The following PTPRT variants were observed in gnomAD, a reference collection of about 807,000 sequenced individuals.
PTPRT encodes protein tyrosine phosphatase receptor type T, also known as receptor-type tyrosine-protein phosphatase T.
A neutral mutation model predicts 176.8 loss-of-function variants in PTPRT; 56 were observed. That is an observed-to-expected ratio of 0.32 (90% CI 0.26 to 0.40). PTPRT has a LOEUF of 0.40. Ranked by LOEUF, PTPRT falls within the 10% of genes least tolerant of loss-of-function variation. The probability of loss-of-function intolerance (pLI) is 1.00; values close to 1 mark genes in which losing one functional copy is unlikely to be tolerated. For synonymous variants in PTPRT, 783 were observed against 739.0 expected (o/e 1.06, Z -0.96); for missense variants, 1,540 against 1,908.2 (o/e 0.81, Z 3.60).
chr20:43,035,393 G>A (rs1466653621), intron 1 of PTPRT, among the ~76,000 whole-genome samples: 1 of 152,178 alleles, frequency 6.6e-6, no homozygotes. Flanking sequence ...TTCAGAATTT[G>A]TGGGCCATAC....
At chr20:42,148,129 C>T (rs1170767980) in intron 17 of PTPRT, among the ~76,000 whole-genome samples, 1 of 152,096 alleles carries the variant, frequency 6.6e-6, no homozygotes, top group East Asian at 1.9e-4. Flanking sequence ...TCATTATATT[C>T]ATCCATTATC....
chr20:42,519,704 C>T (rs6130153), intron 7 of PTPRT, among the ~76,000 whole-genome samples: 20,376 of 152,014 alleles, frequency 0.13, 1,448 homozygotes, highest in Non-Finnish European at 0.16. Context: ...CAATTTTATG[C>T]ATCCATGTGT....
At chr20:42,741,405 C>T (rs1014783117) in intron 6 of PTPRT, among the ~76,000 whole-genome samples, 5 of 152,158 alleles carry the variant, frequency 3.3e-5, no homozygotes, top group African/African-American at 2.4e-5. Flanking sequence ...AGTGCAGTGG[C>T]GCGATCTTGG....
intron 5 of PTPRT, among the ~76,000 whole-genome samples, chr20:42,761,203 G>T (rs1323426715): frequency 6.6e-6 from 1 of 151,662 alleles, no homozygotes; most frequent in Non-Finnish European, 1.5e-5. Flanking sequence ...GGGAGGCCCA[G>T]GCAGGTGGAC....
At chr20:42,103,498 C>T (rs977484526) in intron 25 of PTPRT, among the ~76,000 whole-genome samples, 2 of 152,172 alleles carry the variant, frequency 1.3e-5, no homozygotes, top group Admixed American at 1.3e-4. Context: ...TGGAGTCTCA[C>T]TCTGTTGCCC....
rs913399801 is a variant in PTPRT at position 42,678,221 on chromosome 20, G to A, written c.860-62C>T. Reference sequence around the variant, plus strand: ...AAATGATTTACAGAGCAGACTACAAGCACATGACGACAAGGGACAGAATTC... The same window carrying A: ...AAATGATTTACAGAGCAGACTACAAACACATGACGACAAGGGACAGAATTC... On this transcript the variant is annotated intron_variant, in intron 6 of 30. Transcript: ENST00000373187. The A allele has an allele frequency of 6.7e-6, 10 of 1,488,498 alleles. No homozygotes were observed. In the Admixed American group the frequency reaches 1.3e-4, roughly 20 times the overall value. 92.2% of individuals were successfully genotyped at this position (1,488,498 alleles called of 1,614,324 possible).
At chr20:42,621,028 C>T (rs970554833) in intron 7 of PTPRT, among the ~76,000 whole-genome samples, 10 of 152,078 alleles carry the variant, frequency 6.6e-5, no homozygotes, top group African/African-American at 2.4e-4. Flanking sequence ...AGGAGAACAG[C>T]ATGGGAAAGA....
intron 2 of PTPRT, among the ~76,000 whole-genome samples, chr20:42,810,856 C>G (rs1271836548): frequency 6.6e-6 from 1 of 152,196 alleles, no homozygotes; most frequent in Non-Finnish European, 1.5e-5. Context: ...TCCAACCCGC[C>G]CCAGGTCTTA....
intron 8 of PTPRT, among the ~76,000 whole-genome samples, chr20:42,464,787 C>T (rs529482753): frequency 6.6e-6 from 1 of 152,086 alleles, no homozygotes; most frequent in Non-Finnish European, 1.5e-5. Flanking sequence ...CTTTTTCTCT[C>T]ACTTTTCCCT....
intron 1 of PTPRT, among the ~76,000 whole-genome samples, chr20:43,133,721 C>T (rs996560676): frequency 6.7e-6 from 1 of 149,370 alleles, no homozygotes; most frequent in Non-Finnish European, 1.5e-5. Flanking sequence ...GCACTCCAGC[C>T]TGGGCAACAG....
chr20:42,084,997 C>A, intron 28 of PTPRT, 152 bp from the exon 29 acceptor site: 1 of 564,776 alleles, frequency 1.8e-6, no homozygotes, highest in Admixed American at 4.3e-5. Flanking sequence ...ATGACTACTT[C>A]TATTCCTTCG....
chr20:42,284,723 G>A (rs993668398), intron 12 of PTPRT, among the ~76,000 whole-genome samples: 11 of 151,850 alleles, frequency 7.2e-5, no homozygotes, highest in Non-Finnish European at 2.9e-5. Flanking sequence ...AAAGAAAGAA[G>A]GTTGGGTTGA....
chr20:42,871,296 T>C (rs1246118968), intron 2 of PTPRT, among the ~76,000 whole-genome samples: 2 of 129,060 alleles, frequency 1.5e-5, no homozygotes, highest in Middle Eastern at 3.6e-3. Context: ...TTTGGACAAA[T>C]GTCTATTTCA....
At chr20:42,830,843 G>A (rs898382993) in intron 2 of PTPRT, among the ~76,000 whole-genome samples, 10 of 152,084 alleles carry the variant, frequency 6.6e-5, no homozygotes, top group African/African-American at 1.9e-4. Flanking sequence ...CCAGGGAGGT[G>A]AAAGATCTCT....
intron 7 of PTPRT, among the ~76,000 whole-genome samples, chr20:42,620,184 G>A (rs1370687180): frequency 3.4e-5 from 5 of 147,674 alleles, no homozygotes; most frequent in African/African-American, 1.0e-4. Flanking sequence ...CTGCAGGTCT[G>A]TTGGAATACC....
Position 42,800,375 on chromosome 20 carries a change from G to C in PTPRT, c.215-8909C>G, listed in dbSNP as rs548802569. 2.4e-4 allele frequency among the ~76,000 whole-genome samples: 36 copies of C among 152,242 alleles called. No homozygotes were observed. The East Asian group carries it at 6.6e-3, about 28-fold the overall frequency. On this transcript the variant is annotated intron_variant, in intron 2 of 30. Coordinates refer to ENST00000373187, the MANE Select transcript of PTPRT (RefSeq NM_007050.6). ...GGGGAGCTGGTTCATGCAGGAAGAG[G>C]GGTAAAGAATGGAAAGAACGAACAA...
At chr20:42,289,709 C>T (rs1270254511) in intron 12 of PTPRT, among the ~76,000 whole-genome samples, 2 of 152,052 alleles carry the variant, frequency 1.3e-5, no homozygotes, top group African/African-American at 4.8e-5. Flanking sequence ...TCTATCTTCT[C>T]TTGTACATTG....
chr20:42,040,283 G>T, the PTPRT span, among the ~76,000 whole-genome samples: 1 of 152,184 alleles, frequency 6.6e-6, no homozygotes, highest in African/African-American at 2.4e-5. Flanking sequence ...AGCAGGTTCA[G>T]CCTCCATTCC....
chr20:42,870,095 A>G, intron 2 of PTPRT, among the ~76,000 whole-genome samples: 1 of 152,134 alleles, frequency 6.6e-6, no homozygotes. Flanking sequence ...TTCATAAATT[A>G]CCCATTTTGT....
Sources: allele counts gnomAD v4.1 joint callset (sites outside exome capture counted in the v4.1 genomes callset), GRCh38; gene constraint gnomAD v4.1.1; transcripts MANE v1.5; gene names NCBI Gene and HGNC (gene_info 2026-07-23, HGNC 2026-07-21).